The following KALRN variants were observed in gnomAD, a reference collection of about 807,000 sequenced individuals.
The protein encoded by KALRN is kalirin RhoGEF kinase.
KALRN carries 70 observed loss-of-function variants against 353.7 expected under a neutral mutation model. The observed-to-expected ratio is 0.20, with a 90% CI of 0.16 to 0.24. KALRN has a LOEUF of 0.24. Ranked by LOEUF, KALRN falls within the 10% of genes least tolerant of loss-of-function variation. KALRN has a pLI of 1.00. For synonymous variants in KALRN, 1,391 were observed against 1,434.8 expected (o/e 0.97, Z 0.69); for missense variants, 2,791 against 3,756.7 (o/e 0.74, Z 6.72).
chr3:124,263,940 A>C (rs1168348657), intron 3 of KALRN, among the ~76,000 whole-genome samples: 2 of 152,248 alleles, frequency 1.3e-5, no homozygotes, highest in African/African-American at 4.8e-5. Context: ...CATTAAAATA[A>C]AAATCAAATA....
chr3:124,488,151 G>C, intron 28 of KALRN, 53 bp from the exon 29 acceptor site: 1 of 1,075,784 alleles, frequency 9.3e-7, no homozygotes, highest in Non-Finnish European at 1.4e-6. Context: ...TTAGGTGGTG[G>C]GAGGAAGCTG....
chr3:124,547,503 G>T (rs2069839338), intron 33 of KALRN, among the ~76,000 whole-genome samples: 1 of 148,854 alleles, frequency 6.7e-6, no homozygotes, highest in Non-Finnish European at 1.5e-5. Flanking sequence ...TAGAGGCAGG[G>T]CTGTGTTGCC....
At chr3:124,138,627 C>G (rs1436266159) in intron 1 of KALRN, among the ~76,000 whole-genome samples, 2 of 152,192 alleles carry the variant, frequency 1.3e-5, no homozygotes, top group African/African-American at 4.8e-5. Flanking sequence ...CCCATATTCT[C>G]TCCCTCCACC....
At chr3:124,629,976 T>C (rs568709152) in intron 34 of KALRN, among the ~76,000 whole-genome samples, 1 of 152,312 alleles carries the variant, frequency 6.6e-6, no homozygotes, top group Non-Finnish European at 1.5e-5. Context: ...CTGAGGATCT[T>C]GATTTGCATG....
intron 1 of KALRN, among the ~76,000 whole-genome samples, chr3:124,120,131 A>G (rs1676751717): frequency 6.6e-6 from 1 of 152,206 alleles, no homozygotes; most frequent in Non-Finnish European, 1.5e-5. Context: ...GAAACAAAAG[A>G]CAGCAGTGTG....
rs534021897 is a variant in KALRN, at chr3:124,134,976, T to A, written c.74-93014T>A. On this transcript the variant is annotated intron_variant, in intron 1 of 59. Coordinates refer to ENST00000682506, the MANE Select transcript of KALRN (RefSeq NM_001388419.1). ...TGTGGAAAATAGTGTGGAGATTCCT[T>A]AAGGAACTAAAAGTGGAACCACCAT... is the stretch of plus-strand genomic sequence containing the variant. Among the ~76,000 whole-genome samples, 3 of 152,290 alleles carry A rather than the reference T, an allele frequency of 2.0e-5. No individual in the cohort carries two copies. In the South Asian group the frequency reaches 6.2e-4, roughly 32 times the overall value.
At chr3:124,519,601 T>C (rs1577682121) in intron 33 of KALRN, 1 of 985,394 alleles carries the variant, frequency 1.0e-6, no homozygotes, top group Non-Finnish European at 1.2e-6. Flanking sequence ...TTTACACTTC[T>C]ATGTATCTCA....
chr3:124,445,704 G>A (rs2093814929), intron 19 of KALRN, among the ~76,000 whole-genome samples: 1 of 152,166 alleles, frequency 6.6e-6, no homozygotes, highest in South Asian at 2.1e-4. Context: ...GGGTTGTCAA[G>A]CCAGTGATAC....
chr3:124,246,891 A>G (rs1364534698), intron 3 of KALRN, among the ~76,000 whole-genome samples: 3 of 152,212 alleles, frequency 2.0e-5, no homozygotes, highest in African/African-American at 7.2e-5. Context: ...TTCCCTGAAT[A>G]TAGATGCTGG....
At chr3:124,606,885 A>G (rs928943093) in intron 34 of KALRN, among the ~76,000 whole-genome samples, 1 of 152,272 alleles carries the variant, frequency 6.6e-6, no homozygotes, top group Non-Finnish European at 1.5e-5. Context: ...CTAGTAATCA[A>G]AAATTCAAAT....
chr3:124,536,730 A>G (rs945507314), intron 33 of KALRN, among the ~76,000 whole-genome samples: 1 of 152,242 alleles, frequency 6.6e-6, no homozygotes, highest in African/African-American at 2.4e-5. Context: ...CATTTAAAAT[A>G]TATTTTAAGA....
At chr3:124,539,671 T>A (rs2068826407) in intron 33 of KALRN, among the ~76,000 whole-genome samples, 1 of 152,144 alleles carries the variant, frequency 6.6e-6, no homozygotes, top group Non-Finnish European at 1.5e-5. Context: ...AAGCCTTGGG[T>A]TTTCCAGATT....
At chr3:124,686,477 A>G (rs1192225052) in intron 51 of KALRN, among the ~76,000 whole-genome samples, 1 of 152,206 alleles carries the variant, frequency 6.6e-6, no homozygotes, top group Admixed American at 6.5e-5. Context: ...GGTTGGATGA[A>G]CTAATAGGAT....
intron 1 of KALRN, among the ~76,000 whole-genome samples, chr3:124,194,450 A>G (rs2075240373): frequency 6.6e-6 from 1 of 151,590 alleles, no homozygotes; most frequent in Admixed American, 6.6e-5. Flanking sequence ...CCGAGGCTTC[A>G]GTTTCTTGGT....
chr3:124,378,570 T>G (rs1030858407), intron 10 of KALRN, among the ~76,000 whole-genome samples: 1 of 152,150 alleles, frequency 6.6e-6, no homozygotes, highest in Admixed American at 6.5e-5. Context: ...TTAACATTTC[T>G]TGTCTTGCAA....
At chr3:124,662,154 A>G (rs1464643927) in intron 45 of KALRN, among the ~76,000 whole-genome samples, 2 of 151,312 alleles carry the variant, frequency 1.3e-5, no homozygotes, top group Non-Finnish European at 2.9e-5. Context: ...TAGCCAAACC[A>G]AAGTCAGAAT....
chr3:124,704,299 C>T (rs1336235063), intron 57 of KALRN, among the ~76,000 whole-genome samples: 4 of 152,164 alleles, frequency 2.6e-5, no homozygotes, highest in African/African-American at 9.7e-5. Context: ...CTCCTGGAGG[C>T]ATGTGTTTGC....
intron 19 of KALRN, among the ~76,000 whole-genome samples, chr3:124,444,624 C>T (rs1351059269): frequency 2.0e-5 from 3 of 150,144 alleles, no homozygotes; most frequent in African/African-American, 7.4e-5. Context: ...ATAGTGAGAC[C>T]CCCATCTCTA....
At chr3:124,389,957 TA>T (rs1442537958) in intron 11 of KALRN, among the ~76,000 whole-genome samples, 1 of 152,190 alleles carries the variant, frequency 6.6e-6, no homozygotes, top group East Asian at 1.9e-4. Flanking sequence ...AAAAGCTACT[TA>T]AAAAAGAAAG....
Sources: gnomAD v4.1 joint callset for allele counts (sites outside exome capture counted in the v4.1 genomes callset) on GRCh38, gnomAD v4.1.1 for gene constraint, MANE v1.5 for transcripts, NCBI Gene and HGNC (gene_info 2026-07-23, HGNC 2026-07-21) for gene names.